IGF2BP2: variants seen among roughly 807,000 people sequenced by gnomAD.
IGF2BP2 encodes insulin-like growth factor 2 mRNA-binding protein 2.
IGF2BP2 carries 17 observed loss-of-function variants against 75.8 expected under a neutral mutation model. The ratio of observed to expected loss-of-function variants is 0.22; its 90% CI spans 0.15 to 0.34. The LOEUF is 0.34. Among genes scored for constraint, IGF2BP2 ranks in the 10% least tolerant of loss-of-function variants. The pLI is 1.00. For missense variants in IGF2BP2, 516 were observed against 772.4 expected (o/e 0.67, Z 3.93); for synonymous variants, 288 against 295.6 (o/e 0.97, Z 0.26).
At chr3:185,799,395 T>C (rs528901201) in intron 2 of IGF2BP2, among the ~76,000 whole-genome samples, 36 of 151,946 alleles carry the variant, frequency 2.4e-4, no homozygotes, top group African/African-American at 8.4e-4. Flanking sequence ...AGCAAGACTG[T>C]CACAGAGACA....
chr3:185,737,557 T>C (rs1286337005), intron 2 of IGF2BP2, among the ~76,000 whole-genome samples: 1 of 152,182 alleles, frequency 6.6e-6, no homozygotes, highest in Non-Finnish European at 1.5e-5. Context: ...TTGCACAATA[T>C]TAAAAACATA....
chr3:185,726,844 T>C (rs1220133829), intron 2 of IGF2BP2, among the ~76,000 whole-genome samples: 1 of 152,092 alleles, frequency 6.6e-6, no homozygotes, highest in Non-Finnish European at 1.5e-5. Flanking sequence ...GATACATTAA[T>C]GACCACAAGG....
intron 2 of IGF2BP2, among the ~76,000 whole-genome samples, chr3:185,785,405 A>G (rs1413442222): frequency 6.6e-6 from 1 of 151,568 alleles, no homozygotes. Context: ...TACTGTGTCA[A>G]TAACGAGTGT....
At chr3:185,652,700 G>C (rs1714804242) in intron 12 of IGF2BP2, among the ~76,000 whole-genome samples, 1 of 152,214 alleles carries the variant, frequency 6.6e-6, no homozygotes, top group Non-Finnish European at 1.5e-5. Flanking sequence ...CGGCAAGTGG[G>C]TCATAAGTAA....
intron 2 of IGF2BP2, among the ~76,000 whole-genome samples, chr3:185,738,852 G>A (rs1729175703): frequency 6.6e-6 from 1 of 152,154 alleles, no homozygotes; most frequent in African/African-American, 2.4e-5. Context: ...AGATTGTCAA[G>A]CTTGAAGAGG....
chr3:185,649,676 C>G, intron 13 of IGF2BP2, 142 bp from the exon 14 acceptor site: 2 of 1,165,750 alleles, frequency 1.7e-6, no homozygotes, highest in Non-Finnish European at 1.2e-6. Context: ...AGCTGCGTGC[C>G]CCAGCCTCCG....
intron 2 of IGF2BP2, among the ~76,000 whole-genome samples, chr3:185,820,086 T>TGTAA (rs978810687): frequency 3.3e-5 from 5 of 152,044 alleles, no homozygotes; most frequent in African/African-American, 1.2e-4. Flanking sequence ...CTTAGTTACT[T>TGTAA]CCTAGAGGTG....
intron 11 of IGF2BP2, 86 bp from the exon 12 acceptor site, chr3:185,657,488 G>GGGGTTCATGGT: frequency 2.0e-6 from 2 of 1,019,776 alleles, no homozygotes; most frequent in Non-Finnish European, 1.5e-6. Flanking sequence ...ACCTTACCAT[G>GGGGTTCATGGT]AACCCCATGG....
chr3:185,710,673 C>T (rs1560335525), intron 2 of IGF2BP2, among the ~76,000 whole-genome samples: 1 of 151,896 alleles, frequency 6.6e-6, no homozygotes, highest in Non-Finnish European at 1.5e-5. Context: ...GCAGAGGTTG[C>T]AGTGAGCCAA....
At chr3:185,716,071 G>C (rs1015250842) in intron 2 of IGF2BP2, among the ~76,000 whole-genome samples, 11 of 151,724 alleles carry the variant, frequency 7.3e-5, no homozygotes, top group Admixed American at 3.3e-4. Flanking sequence ...TTTTTAACAG[G>C]TATTTAGCAC....
chr3:185,701,972 G>A lies in IGF2BP2; in HGVS notation c.240-3625C>T, dbSNP rs576092649. ...CAGGAGGCCTGTCCCCTCCTTCCCC[G>A]GGAGGGACTCTGGCATGTCCTTCAA... is the stretch of plus-strand genomic sequence containing the variant. On this transcript the variant is annotated intron_variant, in intron 2 of 15. Transcript: ENST00000382199. 7.2e-5 allele frequency among the ~76,000 whole-genome samples: 11 copies of A among 152,138 alleles called. No individual in the cohort carries two copies. The South Asian group carries it at 1.9e-3, about 26-fold the overall frequency.
At chr3:185,664,401 A>AT (rs1338180011) in intron 10 of IGF2BP2, among the ~76,000 whole-genome samples, 5 of 152,344 alleles carry the variant, frequency 3.3e-5, no homozygotes, top group African/African-American at 1.2e-4. Flanking sequence ...GCATTTAAAT[A>AT]TATAAATGGA....
At chr3:185,763,217 C>T (rs902980585) in intron 2 of IGF2BP2, among the ~76,000 whole-genome samples, 5 of 152,078 alleles carry the variant, frequency 3.3e-5, no homozygotes, top group Admixed American at 1.3e-4. Context: ...TGTACAAACA[C>T]CTCCTCTTTC....
intron 2 of IGF2BP2, among the ~76,000 whole-genome samples, chr3:185,796,991 C>T (rs1737506442): frequency 1.3e-5 from 2 of 152,172 alleles, no homozygotes; most frequent in South Asian, 4.1e-4. Flanking sequence ...CAAACCCCAT[C>T]CACTCTCAGG....
chr3:185,657,258 G>C, intron 12 of IGF2BP2, 28 bp downstream of exon 12: 1 of 1,522,692 alleles, frequency 6.6e-7, no homozygotes, highest in Non-Finnish European at 9.1e-7. Flanking sequence ...TGGTAGAAGG[G>C]CCACAGGGCC....
chr3:185,725,522 G>C (rs1244879825), intron 2 of IGF2BP2, among the ~76,000 whole-genome samples: 8 of 152,176 alleles, frequency 5.3e-5, no homozygotes, highest in Admixed American at 3.9e-4. Context: ...TGAACTACTA[G>C]CGGAACTTGA....
intron 2 of IGF2BP2, among the ~76,000 whole-genome samples, chr3:185,730,464 G>A (rs1007072743): frequency 9.7e-6 from 1 of 102,804 alleles, no homozygotes; most frequent in South Asian, 3.6e-4. Flanking sequence ...GACGGAGTTT[G>A]ACTCTTGTTT....
At chr3:185,747,778 TGGTGATCAAA>T (rs1329191274) in intron 2 of IGF2BP2, among the ~76,000 whole-genome samples, 3 of 152,140 alleles carry the variant, frequency 2.0e-5, no homozygotes, top group African/African-American at 4.8e-5. Context: ...GTCCCAAACA[TGGTGATCAAA>T]GGTGCCTTCC....
At chr3:185,692,244 T>C (rs1380578086) in intron 5 of IGF2BP2, among the ~76,000 whole-genome samples, 1 of 152,188 alleles carries the variant, frequency 6.6e-6, no homozygotes, top group Non-Finnish European at 1.5e-5. Context: ...ACACACAAAA[T>C]TGATGTTTTG....
Sources: gnomAD v4.1 joint callset for allele counts (sites outside exome capture counted in the v4.1 genomes callset) on GRCh38, gnomAD v4.1.1 for gene constraint, MANE v1.5 for transcripts, NCBI Gene and HGNC (gene_info 2026-07-23, HGNC 2026-07-21) for gene names.